MNAT1: variants seen among roughly 807,000 people sequenced by gnomAD.
MNAT1 encodes MNAT1 component of CDK activating kinase, also known as CDK-activating kinase assembly factor MAT1.
In MNAT1, 43 loss-of-function variants were observed where a neutral mutation model predicts 42.0. That is an observed-to-expected ratio of 1.02 (90% CI 0.80 to 1.32). The LOEUF is 1.32. Among genes scored for constraint, MNAT1 ranks in the 40% most tolerant of loss-of-function variants. The probability of loss-of-function intolerance (pLI) is 0.00; values close to 1 mark genes in which losing one functional copy is unlikely to be tolerated. For synonymous variants in MNAT1, 118 were observed against 120.0 expected, an observed-to-expected ratio of 0.98 and a Z score of 0.11; for missense variants, 306 against 350.4, an observed-to-expected ratio of 0.87 and a Z score of 1.01.
intron 6 of MNAT1, among the ~76,000 whole-genome samples, chr14:60,874,839 A>T (rs1700961730): frequency 6.6e-6 from 1 of 151,984 alleles, no homozygotes; most frequent in Admixed American, 6.6e-5. Flanking sequence ...GTCACTTAAA[A>T]CCCTTAATAC....
intron 7 of MNAT1, among the ~76,000 whole-genome samples, chr14:60,881,681 A>G (rs2034554677): frequency 6.6e-6 from 1 of 152,080 alleles, no homozygotes; most frequent in African/African-American, 2.4e-5. Flanking sequence ...GTATATATAC[A>G]GTGGGCTATG....
At chr14:60,916,690 G>T in intron 7 of MNAT1, among the ~76,000 whole-genome samples, 1 of 152,178 alleles carries the variant, frequency 6.6e-6, no homozygotes, top group East Asian at 1.9e-4. Flanking sequence ...AGTGGCTTAT[G>T]CCTGTAATCC....
At chr14:60,826,720 T>A (rs919664747) in intron 6 of MNAT1, among the ~76,000 whole-genome samples, 7 of 152,224 alleles carry the variant, frequency 4.6e-5, no homozygotes, top group African/African-American at 1.7e-4. Flanking sequence ...GTGTTAGTTA[T>A]TTTGATCTAT....
intron 6 of MNAT1, among the ~76,000 whole-genome samples, chr14:60,820,634 C>T (rs1439270670): frequency 6.6e-6 from 1 of 151,712 alleles, no homozygotes; most frequent in Non-Finnish European, 1.5e-5. Context: ...TGAATTTACC[C>T]ACTTCTCTCC....
intron 7 of MNAT1, among the ~76,000 whole-genome samples, chr14:60,920,344 T>C (rs985052074): frequency 5.9e-5 from 9 of 152,376 alleles, no homozygotes; most frequent in East Asian, 1.9e-4. Flanking sequence ...TACACTCTTA[T>C]GATCCACCTT....
At chr14:60,915,891 G>A (rs1235966077) in intron 7 of MNAT1, among the ~76,000 whole-genome samples, 3 of 152,188 alleles carry the variant, frequency 2.0e-5, no homozygotes, top group Non-Finnish European at 2.9e-5. Context: ...AGAAGCAATA[G>A]TATTCTTACT....
At chr14:60,797,793 G>A (rs932092885) in intron 2 of MNAT1, among the ~76,000 whole-genome samples, 1 of 152,088 alleles carries the variant, frequency 6.6e-6, no homozygotes, top group African/African-American at 2.4e-5. Context: ...TGGATATGGT[G>A]GTGTGCGCCT....
intron 1 of MNAT1, among the ~76,000 whole-genome samples, chr14:60,764,637 G>A (rs902922959): frequency 2.0e-5 from 3 of 152,112 alleles, no homozygotes; most frequent in African/African-American, 7.2e-5. Context: ...AAGAAGAAGC[G>A]GTCTAAGATA....
At chr14:60,815,748 CATG>C (rs1463908596) in intron 5 of MNAT1, among the ~76,000 whole-genome samples, 1 of 152,134 alleles carries the variant, frequency 6.6e-6, no homozygotes, top group Non-Finnish European at 1.5e-5. Context: ...GATCATATAA[CATG>C]ATGATTAAAT....
At chr14:60,902,055 G>C (rs577152673) in intron 7 of MNAT1, among the ~76,000 whole-genome samples, 11 of 152,256 alleles carry the variant, frequency 7.2e-5, no homozygotes, top group Admixed American at 1.3e-4. Context: ...AATCAACGCA[G>C]CAAACTTTAT....
intron 6 of MNAT1, among the ~76,000 whole-genome samples, chr14:60,830,746 T>G (rs2033189369): frequency 6.6e-6 from 1 of 152,074 alleles, no homozygotes; most frequent in Non-Finnish European, 1.5e-5. Context: ...TGTTATATAA[T>G]TCCTATACAA....
intron 7 of MNAT1, among the ~76,000 whole-genome samples, chr14:60,923,593 G>A (rs950608626): frequency 5.3e-5 from 8 of 151,954 alleles, no homozygotes; most frequent in Non-Finnish European, 1.2e-4. Flanking sequence ...AGACATTTAG[G>A]TCAGTTTTCA....
chr14:60,737,054 T>C (rs1236597480), intron 1 of MNAT1, among the ~76,000 whole-genome samples: 1 of 152,192 alleles, frequency 6.6e-6, no homozygotes, highest in East Asian at 1.9e-4. Flanking sequence ...TTTCTTAATA[T>C]GAACTCTTTA....
intron 6 of MNAT1, among the ~76,000 whole-genome samples, chr14:60,850,811 G>A (rs1266537172): frequency 6.6e-6 from 1 of 152,136 alleles, no homozygotes; most frequent in African/African-American, 2.4e-5. Context: ...AGAGTGATTA[G>A]GTGACTGGCT....
chr14:60,826,150 T>A (rs2033046737), intron 6 of MNAT1, among the ~76,000 whole-genome samples: 1 of 152,120 alleles, frequency 6.6e-6, no homozygotes, highest in South Asian at 2.1e-4. Flanking sequence ...TTATGAAGGT[T>A]GTGCCGGATT....
In MNAT1 at chr14:60,905,355, A is replaced by G. The variant is rs4151334; in HGVS notation, c.809+25520A>G. 1.8e-3 allele frequency among the ~76,000 whole-genome samples: 270 copies of G among 152,336 alleles called. No individual in the cohort carries two copies. In the East Asian group the frequency reaches 0.029, roughly 16 times the overall value. ...AACAGTACATTATTGAATATGTTAG[A>G]TGCTGTTAGATATTTCTAATATTAG... is the stretch of plus-strand genomic sequence containing the variant. On this transcript the variant is annotated intron_variant, in intron 7 of 7. Coordinates refer to ENST00000261245, the MANE Select transcript of MNAT1 (RefSeq NM_002431.4).
chr14:60,755,405 G>A lies in MNAT1; in HGVS notation c.89+20454G>A, dbSNP rs139925421. 3.8e-3 allele frequency among the ~76,000 whole-genome samples: 580 copies of A among 152,274 alleles called. 4 individuals carry two copies. Among genetic ancestry groups the A allele is most frequent in the African/African-American group, 0.013 (539 of 41,552 alleles). On this transcript the variant is annotated intron_variant, in intron 1 of 7. Coordinates refer to ENST00000261245, the MANE Select transcript of MNAT1 (RefSeq NM_002431.4). ...GATCCACCCGCCCTGGCCTCCCAAA[G>A]TGCTGGTATTACAGGCGTGAGCCAC...
chr14:60,831,149 GGTTT>G (rs2033202811), intron 6 of MNAT1, among the ~76,000 whole-genome samples: 2 of 150,880 alleles, frequency 1.3e-5, no homozygotes, highest in Admixed American at 6.6e-5. Flanking sequence ...TACATGTGGA[GGTTT>G]GTTCTTGGGA....
chr14:60,767,074 C>G (rs2030855643), intron 1 of MNAT1, among the ~76,000 whole-genome samples: 1 of 152,126 alleles, frequency 6.6e-6, no homozygotes. Context: ...ATCTGTTTCT[C>G]TTATAGTAAA....
Sources: gnomAD v4.1 joint callset for allele counts (sites outside exome capture counted in the v4.1 genomes callset) on GRCh38, gnomAD v4.1.1 for gene constraint, MANE v1.5 for transcripts, NCBI Gene and HGNC (gene_info 2026-07-23, HGNC 2026-07-21) for gene names.